Variants in BANP observed in about 807,000 individuals in gnomAD.
BANP encodes the protein protein BANP.
In BANP, 11 loss-of-function variants were observed where a neutral mutation model predicts 68.1. That is an observed-to-expected ratio of 0.16 (90% confidence interval 0.10 to 0.27). The LOEUF (loss-of-function observed/expected upper bound fraction) is 0.27. BANP is among the 10% of genes least tolerant of loss of function. The probability of loss-of-function intolerance (pLI) is 1.00; values close to 1 mark genes in which losing one functional copy is unlikely to be tolerated. For synonymous variants in BANP, 329 were observed against 303.2 expected, an observed-to-expected ratio of 1.09 and a Z score of -0.88; for missense variants, 504 against 722.7, an observed-to-expected ratio of 0.70 and a Z score of 3.47.
chr16:87,997,453 C>G (rs938797666), intron 4 of BANP, among the ~76,000 whole-genome samples: 1 of 152,268 alleles, frequency 6.6e-6, no homozygotes, highest in Non-Finnish European at 1.5e-5. Flanking sequence ...AGATCCTGAT[C>G]TTTCTGAGCA....
chr16:87,983,149 C>A (rs145230384), intron 3 of BANP, among the ~76,000 whole-genome samples: 1 of 152,140 alleles, frequency 6.6e-6, no homozygotes, highest in African/African-American at 2.4e-5. Context: ...AGAGAAAAGA[C>A]GAAACACGAA....
intron 4 of BANP, among the ~76,000 whole-genome samples, chr16:87,993,574 G>A (rs908411059): frequency 2.0e-5 from 3 of 151,664 alleles, no homozygotes; most frequent in African/African-American, 7.3e-5. Context: ...TTCATTGTAG[G>A]TGTTTCATCA....
intron 1 of BANP, among the ~76,000 whole-genome samples, chr16:87,968,821 C>G (rs1408359442): frequency 3.3e-5 from 5 of 152,136 alleles, no homozygotes; most frequent in East Asian, 1.9e-4. Flanking sequence ...GACCCTCCCC[C>G]CACAGCTTAG....
intron 11 of BANP, among the ~76,000 whole-genome samples, chr16:88,041,873 C>T (rs2080883837): frequency 6.6e-6 from 1 of 152,232 alleles, no homozygotes; most frequent in Admixed American, 6.5e-5. Flanking sequence ...CCATTTCAGG[C>T]CCTGTTGGGC....
intron 2 of BANP, chr16:87,980,795 T>G: frequency 2.1e-6 from 1 of 481,662 alleles, no homozygotes; most frequent in Non-Finnish European, 3.7e-6. Flanking sequence ...GCTTGCAGGT[T>G]TGGAGTTAGG....
rs138196839 is a variant in BANP, at chr16:88,009,649, C to T, written c.655+3384C>T. Among the ~76,000 whole-genome samples the T allele has an allele frequency of 1.7e-3, 265 of 152,028 alleles. 1 individual carries two copies. The highest frequency in any genetic ancestry group is 6.1e-3 in the African/African-American group (255 of 41,468). On this transcript the variant is annotated intron_variant, in intron 6 of 13. Coordinates refer to ENST00000682872, the MANE Select transcript of BANP (RefSeq NM_001386991.1). ...CTGTGTCTCATTGGAATAAGAAGGA[C>T]GGTAGCTCCTGACTGTTGAAAGCAT... is the stretch of plus-strand genomic sequence containing the variant.
At chr16:87,951,413 AG>A, upstream of BANP, 1 of 150,414 alleles carries the variant, frequency 6.6e-6, no homozygotes, top group African/African-American at 2.5e-5. Context: ...CGTCGCGGGG[AG>A]GGGCTCGCGG....
chr16:88,006,065 C>T (rs1015642053), intron 5 of BANP, 25 bp from the exon 6 acceptor site: 1 of 1,613,282 alleles, frequency 6.2e-7, no homozygotes, highest in African/African-American at 1.3e-5. Flanking sequence ...CCACATCGGG[C>T]TGGTGTGTTT....
chr16:88,032,275 C>A (rs1466083796), intron 8 of BANP, among the ~76,000 whole-genome samples: 1 of 151,894 alleles, frequency 6.6e-6, no homozygotes, highest in African/African-American at 2.4e-5. Flanking sequence ...CATTTCGACT[C>A]ATTACAACCT....
rs375783410 is a variant in BANP at position 87,967,622 on chromosome 16, AT to A, written c.-68-7409del. The stretch of plus-strand genomic sequence containing the variant: ...AGGCATGCCCCACCACACCCAGTTA[AT>A]TTTTTTTTTTTTTTTTGAGATGGAG... On this transcript the variant is annotated intron_variant, in intron 1 of 13. Transcript: ENST00000682872. Among the ~76,000 whole-genome samples the A allele has an allele frequency of 1.4e-3, 164 of 120,552 alleles. 1 individual carries two copies. Among genetic ancestry groups the A allele is most frequent in the Middle Eastern group, 9.4e-3 (2 of 212 alleles). The allele number at this position is 120,552 out of a possible 152,430, so 79.1% of individuals were successfully genotyped here. A position where few individuals can be genotyped will look rare whatever the true frequency, so the allele number is the denominator to read the frequency against.
chr16:87,966,988 C>G (rs768615324), intron 1 of BANP: 1 of 152,418 alleles, frequency 6.6e-6, no homozygotes, highest in Non-Finnish European at 1.5e-5. Context: ...TCCTTCCACG[C>G]CTGGCACCAG....
chr16:87,992,276 T>C (rs1171661693), intron 4 of BANP, among the ~76,000 whole-genome samples: 4 of 152,360 alleles, frequency 2.6e-5, no homozygotes, highest in South Asian at 4.1e-4. Flanking sequence ...ATGAAGAGTT[T>C]TTGCGTCTGT....
chr16:87,952,563 A>C (rs1567558002), intron 1 of BANP: 1 of 152,230 alleles, frequency 6.6e-6, no homozygotes, highest in Non-Finnish European at 1.5e-5. Context: ...GGGGACAGAA[A>C]AATAACTTGG....
chr16:88,063,590 C>A (rs1325961781), intron 11 of BANP, among the ~76,000 whole-genome samples: 1 of 152,212 alleles, frequency 6.6e-6, no homozygotes. Flanking sequence ...AATCACTTCA[C>A]ATTTTAAAAG....
chr16:88,012,088 G>A (rs2073301633), intron 6 of BANP, among the ~76,000 whole-genome samples: 1 of 152,212 alleles, frequency 6.6e-6, no homozygotes, highest in Admixed American at 6.5e-5. Flanking sequence ...CAGATAAAAT[G>A]TCTCATGCGT....
At chr16:88,076,394 G>A (rs965382323) in intron 13 of BANP, among the ~76,000 whole-genome samples, 196 bp from the exon 14 acceptor site, 11 of 151,782 alleles carry the variant, frequency 7.2e-5, no homozygotes, top group African/African-American at 2.7e-4. Context: ...GGGCGCCAGG[G>A]TCGTGGGCGC....
chr16:87,952,291 A>T (rs976880666), intron 1 of BANP: 1 of 152,234 alleles, frequency 6.6e-6, no homozygotes, highest in Admixed American at 6.5e-5. Flanking sequence ...TTGTCTTGCT[A>T]TTGGAGAAAT....
chr16:88,005,508 G>T (rs2070742301), intron 5 of BANP, among the ~76,000 whole-genome samples: 1 of 152,172 alleles, frequency 6.6e-6, no homozygotes, highest in South Asian at 2.1e-4. Flanking sequence ...ACTTGTGGAG[G>T]TGGCCTCGCC....
chr16:87,971,811 G>A (rs529874392), intron 1 of BANP, among the ~76,000 whole-genome samples: 1 of 151,754 alleles, frequency 6.6e-6, no homozygotes, highest in Admixed American at 6.6e-5. Context: ...TCCTTTTTTC[G>A]AGACAGGGTC....
Sources: gnomAD v4.1 joint callset for allele counts (sites outside exome capture counted in the v4.1 genomes callset) on GRCh38, gnomAD v4.1.1 for gene constraint, MANE v1.5 for transcripts, NCBI Gene and HGNC (gene_info 2026-07-23, HGNC 2026-07-21) for gene names.